Variants in NRXN3 observed in about 807,000 individuals in gnomAD.
The protein encoded by NRXN3 is neurexin 3.
In NRXN3, 32 loss-of-function variants were observed where a neutral mutation model predicts 137.6. The observed-to-expected ratio is 0.23, with a 90% CI of 0.18 to 0.31. The LOEUF (loss-of-function observed/expected upper bound fraction) is 0.31, where lower values mean the gene tolerates loss of function less well. NRXN3 is among the 10% of genes least tolerant of loss of function. NRXN3 has a pLI of 1.00. For missense variants in NRXN3, 1,574 were observed against 2,062.5 expected, an observed-to-expected ratio of 0.76 and a Z score of 4.59; for synonymous variants, 798 against 784.5, an observed-to-expected ratio of 1.02 and a Z score of -0.29.
At position 79,517,975 on chromosome 14, in the gene NRXN3, G is replaced by A. The variant is rs539611704; in HGVS notation, c.3444+50573G>A. 8.4e-4 allele frequency among the ~76,000 whole-genome samples: 110 copies of A among 131,580 alleles called. 1 individual carries two copies. The highest frequency in any genetic ancestry group is 2.9e-3 in the African/African-American group (96 of 33,048). The allele number at this position is 131,580 out of a possible 152,430, so 86.3% of individuals were successfully genotyped here. On this transcript the variant is annotated intron_variant, in intron 16 of 20. Transcript: ENST00000335750. Reference sequence around the variant, plus strand: ...GGCTGGAGTACAGTGGTGCGATCTCGGTTCACTGCAACCTCCACCTCCTGG... The same window carrying A: ...GGCTGGAGTACAGTGGTGCGATCTCAGTTCACTGCAACCTCCACCTCCTGG...
intron 16 of NRXN3, among the ~76,000 whole-genome samples, chr14:79,652,051 A>G (rs184104415): frequency 1.3e-5 from 2 of 152,304 alleles, no homozygotes; most frequent in Admixed American, 1.3e-4. Context: ...TGGATTATAG[A>G]TGACCTCCAG....
intron 4 of NRXN3, among the ~76,000 whole-genome samples, chr14:78,552,520 G>A (rs1186420262): frequency 6.6e-6 from 1 of 152,122 alleles, no homozygotes; most frequent in Non-Finnish European, 1.5e-5. Flanking sequence ...AAACAACATA[G>A]CCAAGTATGA....
At chr14:79,043,272 C>T (rs1461874355) in intron 15 of NRXN3, among the ~76,000 whole-genome samples, 1 of 152,192 alleles carries the variant, frequency 6.6e-6, no homozygotes, top group East Asian at 1.9e-4. Context: ...ATCTACACCA[C>T]CTGCCTATAA....
At chr14:79,721,941 G>A (rs2098846015) in intron 19 of NRXN3, among the ~76,000 whole-genome samples, 1 of 152,066 alleles carries the variant, frequency 6.6e-6, no homozygotes. Flanking sequence ...CACATTAAAA[G>A]AACTCCATAG....
intron 15 of NRXN3, among the ~76,000 whole-genome samples, chr14:79,136,071 C>T (rs2058192565): frequency 1.3e-5 from 2 of 152,158 alleles, no homozygotes; most frequent in Non-Finnish European, 2.9e-5. Context: ...AATTTATAGT[C>T]ACAAAGCAAG....
chr14:78,632,112 T>TCAA (rs1297965035), intron 4 of NRXN3, among the ~76,000 whole-genome samples: 1 of 112,666 alleles, frequency 8.9e-6, no homozygotes, highest in Non-Finnish European at 1.8e-5. Flanking sequence ...AGACTCCGTC[T>TCAA]CAAAAAAAAA....
intron 8 of NRXN3, among the ~76,000 whole-genome samples, chr14:78,791,939 T>C (rs1013308699): frequency 6.6e-6 from 1 of 151,970 alleles, no homozygotes; most frequent in African/African-American, 2.4e-5. Context: ...TGGCAAGAAG[T>C]CAACGAAACT....
At chr14:78,282,277 T>C in intron 3 of NRXN3, 1 of 416,246 alleles carries the variant, frequency 2.4e-6, no homozygotes, top group South Asian at 1.7e-5. Context: ...TCTAGAACTC[T>C]CTGGAAGCCA....
intron 3 of NRXN3, among the ~76,000 whole-genome samples, chr14:78,288,048 C>T (rs2075372381): frequency 6.6e-6 from 1 of 151,892 alleles, no homozygotes; most frequent in Admixed American, 6.6e-5. Context: ...GGCGCAATCT[C>T]AGCTCACTGC....
At position 79,475,255 on chromosome 14, in the gene NRXN3, C is replaced by T. The variant is rs115540504; in HGVS notation, c.3444+7853C>T. Among the ~76,000 whole-genome samples, 988 of 152,156 alleles carry T rather than the reference C, an allele frequency of 6.5e-3. 14 individuals carry two copies. Among genetic ancestry groups the T allele is most frequent in the African/African-American group, 0.023 (953 of 41,510 alleles). Reference sequence around the variant, plus strand: ...CAATAATGCAATCATAAAAATCAAGCTGACAAAGTGTGTGGAAAATAGGTT... The same window carrying T: ...CAATAATGCAATCATAAAAATCAAGTTGACAAAGTGTGTGGAAAATAGGTT... On this transcript the variant is annotated intron_variant, in intron 16 of 20. Transcript: ENST00000335750.
At chr14:78,438,674 C>T (rs17107589) in intron 4 of NRXN3, among the ~76,000 whole-genome samples, 11,952 of 152,042 alleles carry the variant, frequency 0.079, 1,221 homozygotes, top group African/African-American at 0.23. Flanking sequence ...TCGGGTGCTG[C>T]CCATGCCAGA....
intron 16 of NRXN3, among the ~76,000 whole-genome samples, chr14:79,517,923 T>TG (rs2097013059): frequency 8.4e-6 from 1 of 118,798 alleles, no homozygotes; most frequent in Non-Finnish European, 1.6e-5. Context: ...TTTTTTTTTT[T>TG]GAGACAGTGT....
Position 79,663,808 on chromosome 14 carries a change from A to G in NRXN3, c.3475A>G (p.Ile1159Val). 1 of 1,613,252 alleles carries G rather than the reference A, an allele frequency of 6.2e-7. No homozygotes were observed. Among genetic ancestry groups the G allele is most frequent in the Non-Finnish European group, 8.5e-7 (1 of 1,179,564 alleles). ...GGGGAAAATTGGAGTTGTCTTCAACATTGGCACAGTTGACATCTCCATCAA... is the reference window on the plus strand; with the variant it reads ...GGGGAAAATTGGAGTTGTCTTCAACGTTGGCACAGTTGACATCTCCATCAA... ...EQGKIGVVFN[I>V]GTVDISIKEE... The change falls in exon 17 of 21, where the codon ATT (isoleucine) becomes GTT (valine). Residue 1159 changes from isoleucine (I) to valine (V), a missense_variant. Ile to Val is a conservative substitution (Grantham distance 29). Coordinates refer to ENST00000335750, the MANE Select transcript of NRXN3 (RefSeq NM_001330195.2).
chr14:78,501,537 A>C (rs899380346), intron 4 of NRXN3, among the ~76,000 whole-genome samples: 1 of 152,196 alleles, frequency 6.6e-6, no homozygotes, highest in Non-Finnish European at 1.5e-5. Context: ...GTTGTATTCT[A>C]TTCAAAAAAA....
chr14:78,962,318 G>T (rs1479715342), intron 11 of NRXN3, among the ~76,000 whole-genome samples: 1 of 151,634 alleles, frequency 6.6e-6, no homozygotes, highest in African/African-American at 2.4e-5. Context: ...ATTTCATAGT[G>T]ATTATGCAGT....
At chr14:79,202,069 G>T in intron 15 of NRXN3, among the ~76,000 whole-genome samples, 1 of 149,570 alleles carries the variant, frequency 6.7e-6, no homozygotes. Context: ...TGAGGTGTGT[G>T]TTATCTTTTT....
chr14:79,451,191 C>T (rs979571454), intron 15 of NRXN3, among the ~76,000 whole-genome samples: 3 of 151,176 alleles, frequency 2.0e-5, no homozygotes, highest in Non-Finnish European at 4.4e-5. Flanking sequence ...AAAAAAAGCT[C>T]AGGATATCAC....
At chr14:78,373,041 G>A (rs1429041634) in intron 4 of NRXN3, among the ~76,000 whole-genome samples, 2 of 152,180 alleles carry the variant, frequency 1.3e-5, no homozygotes, top group African/African-American at 2.4e-5. Flanking sequence ...ATGGCTCTGG[G>A]CTTACTGAAA....
At chr14:79,570,113 C>T (rs940967165) in intron 16 of NRXN3, among the ~76,000 whole-genome samples, 1 of 152,148 alleles carries the variant, frequency 6.6e-6, no homozygotes, top group Admixed American at 6.6e-5. Flanking sequence ...TTTCTCTCCA[C>T]TCTCACTGTG....
Sources: allele counts gnomAD v4.1 joint callset (sites outside exome capture counted in the v4.1 genomes callset), GRCh38; gene constraint gnomAD v4.1.1; transcripts MANE v1.5; gene names NCBI Gene and HGNC (gene_info 2026-07-23, HGNC 2026-07-21).